KCNIP4: variants seen among roughly 807,000 people sequenced by gnomAD.
KCNIP4 encodes Kv channel-interacting protein 4.
In KCNIP4, 12 loss-of-function variants were observed where a neutral mutation model predicts 34.0. The ratio of observed to expected loss-of-function variants is 0.35; its 90% CI spans 0.23 to 0.57. The LOEUF (loss-of-function observed/expected upper bound fraction) is 0.57, where lower values mean the gene tolerates loss of function less well. Ranked by LOEUF, KCNIP4 falls within the 20% of genes least tolerant of loss-of-function variation. KCNIP4 has a pLI of 0.83. For missense variants in KCNIP4, 238 were observed against 311.7 expected (o/e 0.76, Z 1.78); for synonymous variants, 124 against 102.2 (o/e 1.21, Z -1.29).
At chr4:21,187,115 C>T (rs531519313) in intron 1 of KCNIP4, among the ~76,000 whole-genome samples, 1 of 152,060 alleles carries the variant, frequency 6.6e-6, no homozygotes, top group African/African-American at 2.4e-5. Flanking sequence ...AGAAGTAATT[C>T]ATTTATTTTG....
chr4:21,693,251 T>C (rs1711882295), intron 1 of KCNIP4, among the ~76,000 whole-genome samples: 1 of 152,032 alleles, frequency 6.6e-6, no homozygotes, highest in Non-Finnish European at 1.5e-5. Context: ...TTCAAAAATG[T>C]AGTATAAAAA....
At chr4:21,837,590 T>C (rs898117248) in intron 1 of KCNIP4, among the ~76,000 whole-genome samples, 2 of 134,126 alleles carry the variant, frequency 1.5e-5, no homozygotes, top group Non-Finnish European at 3.2e-5. Flanking sequence ...AAGAGGCAGA[T>C]AGATAGAAAA....
intron 1 of KCNIP4, among the ~76,000 whole-genome samples, chr4:20,968,910 A>G (rs960614619): frequency 6.6e-5 from 10 of 152,206 alleles, no homozygotes; most frequent in Non-Finnish European, 8.8e-5. Flanking sequence ...CATGTACCCT[A>G]GAACTTAAAG....
intron 1 of KCNIP4, among the ~76,000 whole-genome samples, chr4:21,427,911 T>C (rs1726074722): frequency 6.6e-6 from 1 of 152,218 alleles, no homozygotes; most frequent in Non-Finnish European, 1.5e-5. Context: ...TATAGGTTTA[T>C]GAAGCTGTAG....
At chr4:21,383,463 A>C in intron 1 of KCNIP4, among the ~76,000 whole-genome samples, 1 of 145,020 alleles carries the variant, frequency 6.9e-6, no homozygotes, top group South Asian at 2.2e-4. Context: ...GGAGAAATGT[A>C]TCTCTATGTT....
chr4:20,880,487 T>C (rs1480891369), intron 2 of KCNIP4, among the ~76,000 whole-genome samples: 1 of 152,142 alleles, frequency 6.6e-6, no homozygotes, highest in South Asian at 2.1e-4. Flanking sequence ...CTATTTTTTT[T>C]CCTCTCAAAA....
chr4:21,082,881 A>G (rs1394775783), intron 1 of KCNIP4, among the ~76,000 whole-genome samples: 1 of 151,394 alleles, frequency 6.6e-6, no homozygotes, highest in Admixed American at 6.6e-5. Context: ...CTATCTATCT[A>G]TCTATCTATC....
chr4:21,293,912 C>T (rs1398873656), intron 1 of KCNIP4, among the ~76,000 whole-genome samples: 1 of 152,152 alleles, frequency 6.6e-6, no homozygotes, highest in Non-Finnish European at 1.5e-5. Flanking sequence ...CTAGCCCTAT[C>T]TGGGAGGCAG....
intron 1 of KCNIP4, among the ~76,000 whole-genome samples, chr4:21,752,660 G>A (rs1408911974): frequency 6.6e-6 from 1 of 152,154 alleles, no homozygotes; most frequent in Non-Finnish European, 1.5e-5. Flanking sequence ...GAGGTCAGAG[G>A]GTTGGGACTG....
Position 20,919,029 on chromosome 4 carries a change from T to A in KCNIP4, c.62-36320A>T, listed in dbSNP as rs115926273. Among the ~76,000 whole-genome samples, 595 of 152,330 alleles carry A rather than the reference T, an allele frequency of 3.9e-3. 6 individuals carry two copies. The highest frequency in any genetic ancestry group is 0.013 in the African/African-American group (561 of 41,572). ...AATGGTAAGAATAACCTATTTTCTT[T>A]TCTTGTTTTTTACATAAAATGATAC... On this transcript the variant is annotated intron_variant, in intron 1 of 8. Transcript: ENST00000382152.
At chr4:21,544,910 C>T (rs1425381725) in intron 1 of KCNIP4, among the ~76,000 whole-genome samples, 1 of 151,770 alleles carries the variant, frequency 6.6e-6, no homozygotes, top group Non-Finnish European at 1.5e-5. Flanking sequence ...AAGCTTTATA[C>T]TTTTAAGTTG....
At chr4:21,721,672 A>G (rs1714829841) in intron 1 of KCNIP4, among the ~76,000 whole-genome samples, 1 of 152,210 alleles carries the variant, frequency 6.6e-6, no homozygotes, top group African/African-American at 2.4e-5. Context: ...TCTCATTATC[A>G]AACACTATTT....
In KCNIP4 at chr4:21,452,935, T is replaced by G. The variant is rs117295924; in HGVS notation, c.61+495636A>C. Among the ~76,000 whole-genome samples, 273 of 152,284 alleles carry G rather than the reference T, an allele frequency of 1.8e-3. 5 individuals are homozygous for G. The East Asian group carries it at 0.035, about 19-fold the overall frequency. ...ATTTTAATTAATAGTAATAAACCTG[T>G]TTCATTCTGCATATATACTTATTCA... On this transcript the variant is annotated intron_variant, in intron 1 of 8. Coordinates refer to ENST00000382152, the MANE Select transcript of KCNIP4 (RefSeq NM_025221.6).
chr4:21,697,154 G>T (rs4507349), intron 1 of KCNIP4, among the ~76,000 whole-genome samples: 90,852 of 151,486 alleles, frequency 0.6, 27,987 homozygotes, highest in African/African-American at 0.65. Flanking sequence ...ATCCATAGAA[G>T]TCAGTTCTAC....
chr4:21,397,008 A>ATC (rs1480180309), intron 1 of KCNIP4, among the ~76,000 whole-genome samples: 1 of 152,232 alleles, frequency 6.6e-6, no homozygotes, highest in African/African-American at 2.4e-5. Context: ...ATCTCACAAC[A>ATC]TCTTTTCCCA....
chr4:21,525,801 C>T (rs781183987), intron 1 of KCNIP4, among the ~76,000 whole-genome samples: 2 of 152,066 alleles, frequency 1.3e-5, no homozygotes, highest in East Asian at 3.9e-4. Context: ...AATAGAAATT[C>T]AATCTTCAAG....
chr4:21,688,218 T>G (rs1169440772), intron 1 of KCNIP4, among the ~76,000 whole-genome samples: 1 of 152,226 alleles, frequency 6.6e-6, no homozygotes, highest in Non-Finnish European at 1.5e-5. Context: ...TCCAAAAATA[T>G]GAAATCCAAA....
At chr4:20,819,371 T>A (rs879525273) in intron 3 of KCNIP4, among the ~76,000 whole-genome samples, 5 of 152,106 alleles carry the variant, frequency 3.3e-5, no homozygotes, top group Admixed American at 2.0e-4. Flanking sequence ...GCTCCCACAG[T>A]ATGATAGGGA....
chr4:21,226,182 C>A (rs1046428263), intron 1 of KCNIP4, among the ~76,000 whole-genome samples: 2 of 136,098 alleles, frequency 1.5e-5, no homozygotes, highest in African/African-American at 5.4e-5. Flanking sequence ...GTGGCTGAGG[C>A]AAAGGGATTG....
Sources: allele counts gnomAD v4.1 joint callset (sites outside exome capture counted in the v4.1 genomes callset), GRCh38; gene constraint gnomAD v4.1.1; transcripts MANE v1.5; gene names NCBI Gene and HGNC (gene_info 2026-07-23, HGNC 2026-07-21).